The following CDH12 variants were observed in gnomAD, a reference collection of about 807,000 sequenced individuals.
The protein encoded by CDH12 is cadherin-12.
CDH12 carries 41 observed loss-of-function variants against 74.1 expected under a neutral mutation model. The ratio of observed to expected loss-of-function variants is 0.55; its 90% confidence interval spans 0.43 to 0.72. The LOEUF (loss-of-function observed/expected upper bound fraction) is 0.72, where lower values mean the gene tolerates loss of function less well. Among genes scored for constraint, CDH12 ranks in the 30% least tolerant of loss-of-function variants. CDH12 has a pLI of 0.00. For missense variants in CDH12, 945 were observed against 977.2 expected (o/e 0.97, Z 0.44); for synonymous variants, 399 against 355.0 (o/e 1.12, Z -1.39).
chr5:22,558,936 C>T lies in CDH12; in HGVS notation c.-522-53572G>A, dbSNP rs115199009. Reference sequence around the variant, plus strand: ...TATTAAAAACTATTATTTAAAGAAACATTATTTACTAATTTAAAAAAGCAA... The same window carrying T: ...TATTAAAAACTATTATTTAAAGAAATATTATTTACTAATTTAAAAAAGCAA... On this transcript the variant is annotated intron_variant, in intron 1 of 14. Coordinates refer to ENST00000382254, the MANE Select transcript of CDH12 (RefSeq NM_004061.5). 6.5e-3 allele frequency among the ~76,000 whole-genome samples: 995 copies of T among 152,062 alleles called. 14 individuals carry two copies. The highest frequency in any genetic ancestry group is 0.023 in the African/African-American group (944 of 41,512).
intron 7 of CDH12, among the ~76,000 whole-genome samples, chr5:21,844,655 TCTA>T (rs1331899970): frequency 2.0e-5 from 3 of 152,088 alleles, no homozygotes; most frequent in Non-Finnish European, 4.4e-5. Context: ...AAAATACACA[TCTA>T]CTCTTAACTC....
intron 1 of CDH12, among the ~76,000 whole-genome samples, chr5:22,749,672 AT>A: frequency 6.6e-6 from 1 of 152,238 alleles, no homozygotes; most frequent in Admixed American, 6.5e-5. Flanking sequence ...GTATGTCACT[AT>A]TTTTTCTATG....
At chr5:22,284,900 A>G (rs1737066853) in intron 3 of CDH12, among the ~76,000 whole-genome samples, 1 of 151,652 alleles carries the variant, frequency 6.6e-6, no homozygotes, top group African/African-American at 2.4e-5. Context: ...AAGAATAGGA[A>G]GATGAGATGA....
intron 1 of CDH12, among the ~76,000 whole-genome samples, chr5:22,817,459 T>G (rs1307687550): frequency 6.6e-6 from 1 of 152,124 alleles, no homozygotes; most frequent in Non-Finnish European, 1.5e-5. Flanking sequence ...CATCTGTTGA[T>G]TATAAAAATA....
intron 6 of CDH12, among the ~76,000 whole-genome samples, chr5:21,861,504 A>C (rs1446958013): frequency 2.0e-5 from 3 of 152,096 alleles, no homozygotes; most frequent in African/African-American, 7.2e-5. Flanking sequence ...TTCATCTGTG[A>C]TTAAATTTTG....
At chr5:22,700,188 G>A (rs1179251060) in intron 1 of CDH12, among the ~76,000 whole-genome samples, 2 of 152,080 alleles carry the variant, frequency 1.3e-5, no homozygotes, top group African/African-American at 4.8e-5. Flanking sequence ...TATTAACCTG[G>A]ATAGTGCTAA....
chr5:21,918,036 T>C (rs1448554249), intron 6 of CDH12, among the ~76,000 whole-genome samples: 1 of 152,188 alleles, frequency 6.6e-6, no homozygotes, highest in Non-Finnish European at 1.5e-5. Context: ...ATGTTACCTT[T>C]TTGTTAAAAC....
chr5:22,046,718 C>T (rs1739984430), intron 5 of CDH12, among the ~76,000 whole-genome samples: 1 of 152,134 alleles, frequency 6.6e-6, no homozygotes, highest in Admixed American at 6.5e-5. Context: ...TTTTACACTA[C>T]ATCTGTGATG....
At chr5:22,766,675 C>T (rs750213568) in intron 1 of CDH12, among the ~76,000 whole-genome samples, 43 of 152,080 alleles carry the variant, frequency 2.8e-4, no homozygotes, top group Non-Finnish European at 5.4e-4. Flanking sequence ...CCAACAGCAA[C>T]TCAACAAGAC....
chr5:22,837,213 G>T (rs1402872955), intron 1 of CDH12, among the ~76,000 whole-genome samples: 1 of 152,096 alleles, frequency 6.6e-6, no homozygotes, highest in Non-Finnish European at 1.5e-5. Context: ...GAGCTCAGGA[G>T]TTCGAGACCA....
At chr5:22,343,289 C>T (rs1402347855) in intron 3 of CDH12, among the ~76,000 whole-genome samples, 1 of 131,120 alleles carries the variant, frequency 7.6e-6, no homozygotes, top group Non-Finnish European at 1.6e-5. Context: ...ACCCTACACA[C>T]ACACACACAC....
chr5:22,659,584 T>A (rs767943949), intron 1 of CDH12, among the ~76,000 whole-genome samples: 9 of 152,102 alleles, frequency 5.9e-5, no homozygotes, highest in Non-Finnish European at 1.2e-4. Context: ...ATTGCTTGAA[T>A]GGAGAAAAAC....
At chr5:21,956,501 T>A (rs10044484) in intron 6 of CDH12, among the ~76,000 whole-genome samples, 6,621 of 152,120 alleles carry the variant, frequency 0.044, 438 homozygotes, top group African/African-American at 0.14. Flanking sequence ...TTATATTATT[T>A]ATTCTGTTTA....
intron 5 of CDH12, among the ~76,000 whole-genome samples, chr5:22,038,026 G>T (rs1301986403): frequency 6.6e-6 from 1 of 152,152 alleles, no homozygotes; most frequent in Non-Finnish European, 1.5e-5. Context: ...GCCCTCATGG[G>T]CAGTAAGCCC....
intron 6 of CDH12, among the ~76,000 whole-genome samples, chr5:21,861,701 A>AT (rs771076591): frequency 3.9e-5 from 6 of 152,068 alleles, no homozygotes; most frequent in Admixed American, 6.6e-5. Flanking sequence ...AATTCTTGCC[A>AT]TTGCCACAGC....
chr5:22,378,806 T>A (rs1353300930), intron 3 of CDH12, among the ~76,000 whole-genome samples: 1 of 152,122 alleles, frequency 6.6e-6, no homozygotes, highest in Admixed American at 6.5e-5. Context: ...GGGTTTCTAC[T>A]TCAAGCTAAG....
intron 3 of CDH12, among the ~76,000 whole-genome samples, chr5:22,216,444 G>A (rs1289454589): frequency 1.3e-5 from 2 of 151,876 alleles, no homozygotes; most frequent in Non-Finnish European, 2.9e-5. Flanking sequence ...TGTAGATTCA[G>A]CTATTACCTC....
chr5:22,461,284 T>C (rs1053633208), intron 2 of CDH12, among the ~76,000 whole-genome samples: 5 of 151,818 alleles, frequency 3.3e-5, no homozygotes, highest in African/African-American at 1.2e-4. Flanking sequence ...TGCTTTGACC[T>C]CCCAGCTGGG....
chr5:22,359,489 C>CG (rs1740707405), intron 3 of CDH12, among the ~76,000 whole-genome samples: 1 of 151,996 alleles, frequency 6.6e-6, no homozygotes, highest in African/African-American at 2.4e-5. Context: ...TGGGAGACTT[C>CG]AACACCCCAC....
Sources: gnomAD v4.1 joint callset for allele counts (sites outside exome capture counted in the v4.1 genomes callset) on GRCh38, gnomAD v4.1.1 for gene constraint, MANE v1.5 for transcripts, NCBI Gene and HGNC (gene_info 2026-07-23, HGNC 2026-07-21) for gene names.